Variants in CDH18 observed in about 807,000 individuals in gnomAD.
CDH18 encodes cadherin-18.
In CDH18, 31 loss-of-function variants were observed where a neutral mutation model predicts 67.9. The observed-to-expected ratio is 0.46, with a 90% CI of 0.34 to 0.62. The LOEUF is 0.62. Among genes scored for constraint, CDH18 ranks in the 20% least tolerant of loss-of-function variants. The pLI is 0.01. For missense variants in CDH18, 890 were observed against 975.5 expected, an observed-to-expected ratio of 0.91 and a Z score of 1.17; for synonymous variants, 362 against 347.2, an observed-to-expected ratio of 1.04 and a Z score of -0.48.
At position 19,602,611 on chromosome 5, in the gene CDH18, T is replaced by A. The variant is rs781224636; in HGVS notation, c.811+9823A>T. Among the ~76,000 whole-genome samples, 5 of 152,114 alleles carry A rather than the reference T, an allele frequency of 3.3e-5. No individual in the cohort carries two copies. The East Asian group carries it at 9.7e-4, about 29-fold the overall frequency. ...TGGAGAAATTAGAACTCTTGTGCCC[T>A]GTTAGTGGAGCAGTGAAATGGTATA... On this transcript the variant is annotated intron_variant, in intron 6 of 12. Transcript: ENST00000382275.
chr5:19,903,664 C>G (rs1224029963), intron 2 of CDH18, among the ~76,000 whole-genome samples: 3 of 136,910 alleles, frequency 2.2e-5, no homozygotes, highest in African/African-American at 8.2e-5. Flanking sequence ...AATACAAATC[C>G]TCTGAGCAGC....
At chr5:19,930,568 T>C (rs965258859) in intron 2 of CDH18, among the ~76,000 whole-genome samples, 1 of 152,052 alleles carries the variant, frequency 6.6e-6, no homozygotes, top group Non-Finnish European at 1.5e-5. Context: ...ATATTGATCA[T>C]GTGGTTACCA....
intron 2 of CDH18, among the ~76,000 whole-genome samples, chr5:20,148,365 G>A (rs1297434426): frequency 6.6e-6 from 1 of 152,050 alleles, no homozygotes; most frequent in Admixed American, 6.6e-5. Context: ...CCAAAGTGCT[G>A]GGATTACATG....
At chr5:19,824,970 G>A (rs1371124710) in intron 3 of CDH18, among the ~76,000 whole-genome samples, 1 of 152,190 alleles carries the variant, frequency 6.6e-6, no homozygotes, top group Non-Finnish European at 1.5e-5. Flanking sequence ...TGGTAACCAG[G>A]TGGGCAGCAC....
intron 4 of CDH18, among the ~76,000 whole-genome samples, chr5:19,743,625 C>A (rs1769528700): frequency 6.6e-6 from 1 of 152,046 alleles, no homozygotes; most frequent in Non-Finnish European, 1.5e-5. Context: ...CTTTTTGTTT[C>A]TAAAATCAGA....
intron 2 of CDH18, among the ~76,000 whole-genome samples, chr5:20,012,737 G>A (rs187713987): frequency 6.6e-6 from 1 of 152,158 alleles, no homozygotes; most frequent in East Asian, 1.9e-4. Context: ...AAAGGAAGGG[G>A]ATCATGTCCT....
At chr5:20,394,192 G>C (rs1745098640) in intron 1 of CDH18, among the ~76,000 whole-genome samples, 1 of 151,968 alleles carries the variant, frequency 6.6e-6, no homozygotes, top group East Asian at 1.9e-4. Flanking sequence ...AAACAGCATG[G>C]TGTTGATATA....
At chr5:19,511,709 C>T (rs1025617826) in intron 10 of CDH18, among the ~76,000 whole-genome samples, 28 of 152,176 alleles carry the variant, frequency 1.8e-4, no homozygotes, top group African/African-American at 6.7e-4. Context: ...TAGCAAAGAG[C>T]ACCCTGGTGC....
intron 2 of CDH18, among the ~76,000 whole-genome samples, chr5:20,039,215 A>G (rs952509750): frequency 2.6e-5 from 4 of 152,240 alleles, no homozygotes; most frequent in African/African-American, 9.6e-5. Context: ...AAATGGAAAA[A>G]CATTCCATGT....
intron 5 of CDH18, among the ~76,000 whole-genome samples, chr5:19,655,123 C>T (rs1756159430): frequency 6.6e-6 from 1 of 152,098 alleles, no homozygotes; most frequent in Admixed American, 6.6e-5. Context: ...CAGGGAACTG[C>T]CCTCTTTTAC....
At chr5:19,741,870 G>A (rs1769257225) in intron 4 of CDH18, among the ~76,000 whole-genome samples, 1 of 151,974 alleles carries the variant, frequency 6.6e-6, no homozygotes, top group Non-Finnish European at 1.5e-5. Flanking sequence ...CATTTATTAG[G>A]TACAGGCCAT....
At chr5:19,485,866 C>T (rs955332599) in intron 11 of CDH18, among the ~76,000 whole-genome samples, 1 of 152,130 alleles carries the variant, frequency 6.6e-6, no homozygotes, top group Non-Finnish European at 1.5e-5. Flanking sequence ...AATGACAGAA[C>T]ATGCAGTGTA....
At chr5:19,845,350 C>A (rs1782810630) in intron 2 of CDH18, among the ~76,000 whole-genome samples, 1 of 151,986 alleles carries the variant, frequency 6.6e-6, no homozygotes. Flanking sequence ...TTATTTCTAC[C>A]TAACTTCCAT....
At chr5:20,161,287 G>A (rs576389152) in intron 2 of CDH18, among the ~76,000 whole-genome samples, 2 of 152,286 alleles carry the variant, frequency 1.3e-5, no homozygotes, top group Admixed American at 1.3e-4. Flanking sequence ...ACATGACACT[G>A]GCTCCTTTTA....
chr5:19,717,901 C>T (rs971790764), intron 5 of CDH18, among the ~76,000 whole-genome samples: 4 of 151,796 alleles, frequency 2.6e-5, no homozygotes, highest in Admixed American at 2.6e-4. Flanking sequence ...AATGTTAAAC[C>T]ATCATTTTTT....
At chr5:20,566,047 A>T (rs1305794906) in intron 1 of CDH18, among the ~76,000 whole-genome samples, 4 of 152,100 alleles carry the variant, frequency 2.6e-5, no homozygotes, top group Non-Finnish European at 5.9e-5. Flanking sequence ...GTGCCAGCTA[A>T]TTCCTCCTGG....
intron 2 of CDH18, among the ~76,000 whole-genome samples, chr5:19,940,524 CT>C (rs2150229622): frequency 6.6e-6 from 1 of 152,198 alleles, no homozygotes; most frequent in South Asian, 2.1e-4. Flanking sequence ...TTATGTAGCT[CT>C]GTATAAATCA....
rs7729441 is a variant in CDH18 at position 19,839,513 on chromosome 5, T to C, written c.-256-271A>G. Reference sequence around the variant, plus strand: ...ACAAATTTGTTATATATACTACACATGAATTACCTACTGTATAAGACTCAT... The same window carrying C: ...ACAAATTTGTTATATATACTACACACGAATTACCTACTGTATAAGACTCAT... On this transcript the variant is annotated intron_variant, in intron 2 of 12. Transcript: ENST00000382275. 4.8e-3 allele frequency among the ~76,000 whole-genome samples: 724 copies of C among 152,244 alleles called. 1 individual carries two copies. Among genetic ancestry groups the C allele is most frequent in the African/African-American group, 0.017 (702 of 41,536 alleles).
At chr5:19,727,882 TTTAAAG>T (rs1373161757) in intron 4 of CDH18, among the ~76,000 whole-genome samples, 3 of 152,184 alleles carry the variant, frequency 2.0e-5, no homozygotes, top group African/African-American at 7.2e-5. Flanking sequence ...TGCTGACATT[TTTAAAG>T]TTAGTTAATG....
Sources: gnomAD v4.1 joint callset for allele counts (sites outside exome capture counted in the v4.1 genomes callset) on GRCh38, gnomAD v4.1.1 for gene constraint, MANE v1.5 for transcripts, NCBI Gene and HGNC (gene_info 2026-07-23, HGNC 2026-07-21) for gene names.